The following ZNF804B variants were observed in gnomAD, a reference collection of about 807,000 sequenced individuals.
ZNF804B encodes the protein zinc finger protein 804B, also known as zinc finger 804B.
Under a neutral mutation model 101.4 loss-of-function variants are expected in ZNF804B, and 80 were observed. The ratio of observed to expected loss-of-function variants is 0.79; its 90% CI spans 0.66 to 0.95. ZNF804B has a LOEUF of 0.95. Ranked by LOEUF, ZNF804B falls within the 40% of genes least tolerant of loss-of-function variation. The pLI is 0.00. For synonymous variants in ZNF804B, 622 were observed against 558.8 expected, an observed-to-expected ratio of 1.11 and a Z score of -1.59; for missense variants, 1,673 against 1,561.9, an observed-to-expected ratio of 1.07 and a Z score of -1.20.
intron 1 of ZNF804B, among the ~76,000 whole-genome samples, chr7:89,098,326 C>T (rs937591695): frequency 6.7e-6 from 1 of 150,230 alleles, no homozygotes; most frequent in African/African-American, 2.5e-5. Context: ...GGCTGGAGTG[C>T]AGTGGTATGA....
intron 1 of ZNF804B, among the ~76,000 whole-genome samples, chr7:88,977,927 GT>G (rs1431829968): frequency 6.6e-6 from 1 of 150,802 alleles, no homozygotes; most frequent in African/African-American, 2.4e-5. Context: ...TGTGTGTTGT[GT>G]TTTGATTTTC....
chr7:88,877,882 C>G (rs886477673), intron 1 of ZNF804B, among the ~76,000 whole-genome samples: 1 of 152,018 alleles, frequency 6.6e-6, no homozygotes, highest in African/African-American at 2.4e-5. Flanking sequence ...ATATGTTACT[C>G]GTTTCAATAC....
intron 1 of ZNF804B, among the ~76,000 whole-genome samples, chr7:88,955,928 T>C (rs1793299008): frequency 6.6e-6 from 1 of 151,412 alleles, no homozygotes; most frequent in African/African-American, 2.4e-5. Context: ...AGGCAAAGGA[T>C]CTGAATAGAC....
At chr7:89,281,407 T>C (rs1035465434) in intron 2 of ZNF804B, among the ~76,000 whole-genome samples, 10 of 152,166 alleles carry the variant, frequency 6.6e-5, no homozygotes, top group Non-Finnish European at 1.5e-4. Context: ...GTAGAACCCA[T>C]AAGAAATTAT....
At chr7:88,907,617 G>A (rs1792493308) in intron 1 of ZNF804B, among the ~76,000 whole-genome samples, 1 of 151,868 alleles carries the variant, frequency 6.6e-6, no homozygotes, top group African/African-American at 2.4e-5. Context: ...CTGAAGCACG[G>A]ACTAACTAAG....
chr7:88,884,850 A>T (rs545339577), intron 1 of ZNF804B, among the ~76,000 whole-genome samples: 11 of 152,034 alleles, frequency 7.2e-5, no homozygotes, highest in African/African-American at 2.6e-4. Context: ...AACCAGAATT[A>T]TGTTGTCTTT....
intron 1 of ZNF804B, among the ~76,000 whole-genome samples, chr7:89,067,352 G>A (rs1789469592): frequency 6.6e-6 from 1 of 152,198 alleles, no homozygotes. Context: ...ATTGAGTTAG[G>A]CCCATCCAGG....
chr7:89,228,542 C>G (rs528880978), intron 2 of ZNF804B, among the ~76,000 whole-genome samples: 12 of 152,242 alleles, frequency 7.9e-5, no homozygotes, highest in African/African-American at 2.6e-4. Flanking sequence ...TACAGAGTGT[C>G]GATTGGTGCA....
chr7:89,337,736 T>G lies in ZNF804B; in HGVS notation c.*704T>G, dbSNP rs553349697. Among the ~76,000 whole-genome samples the G allele has an allele frequency of 5.9e-5, 9 of 152,270 alleles. No homozygotes were observed. Among genetic ancestry groups the G allele is most frequent in the African/African-American group, 2.2e-4 (9 of 41,584 alleles). On this transcript the variant is annotated 3_prime_UTR_variant, in exon 4 of 4. Transcript: ENST00000333190. ...ATCTAAAACTAAGAATGTTTAACTT[T>G]TGTATAAAAACATATACAAACTATC... is the stretch of plus-strand genomic sequence containing the variant.
rs537532490 is a variant in ZNF804B at position 89,194,223 on chromosome 7, G to A, written c.109-23932G>A. 5.2e-3 allele frequency among the ~76,000 whole-genome samples: 790 copies of A among 152,108 alleles called. 6 individuals are homozygous for A. Among genetic ancestry groups the A allele is most frequent in the African/African-American group, 0.018 (758 of 41,488 alleles). ...AGATTCTGGATATTAGCCCTTTGTC[G>A]GATAAGTAGGTTGCGAAAATTTTCT... is the stretch of plus-strand genomic sequence containing the variant. On this transcript the variant is annotated intron_variant, in intron 1 of 3. Transcript: ENST00000333190.
At chr7:89,074,891 G>T (rs999916726) in intron 1 of ZNF804B, among the ~76,000 whole-genome samples, 1 of 152,204 alleles carries the variant, frequency 6.6e-6, no homozygotes, top group Non-Finnish European at 1.5e-5. Flanking sequence ...TGAGGAACTT[G>T]TTGGGAACTG....
At position 88,769,080 on chromosome 7, in the gene ZNF804B, A is replaced by G. The variant is rs189265607; in HGVS notation, c.108+8996A>G. On this transcript the variant is annotated intron_variant, in intron 1 of 3. Coordinates refer to ENST00000333190, the MANE Select transcript of ZNF804B (RefSeq NM_181646.5). ...TGTGTTGATATGTGTGCATGCGTAT[A>G]TACACCTGATGTTGTAGTGGGGGAA... 1.3e-3 allele frequency among the ~76,000 whole-genome samples: 191 copies of G among 152,320 alleles called. 2 individuals are homozygous for G. The highest frequency in any genetic ancestry group is 4.5e-3 in the African/African-American group (186 of 41,570).
intron 2 of ZNF804B, among the ~76,000 whole-genome samples, chr7:89,262,285 C>G (rs951690970): frequency 1.3e-5 from 2 of 152,166 alleles, no homozygotes; most frequent in Non-Finnish European, 2.9e-5. Context: ...ATGGGAGTTT[C>G]TCTACTATCA....
chr7:89,139,449 T>C (rs564200743), intron 1 of ZNF804B, among the ~76,000 whole-genome samples: 1 of 152,218 alleles, frequency 6.6e-6, no homozygotes, highest in African/African-American at 2.4e-5. Context: ...CCTGCAATGC[T>C]GTTTGATAGC....
At chr7:88,966,590 A>G (rs183273421) in intron 1 of ZNF804B, among the ~76,000 whole-genome samples, 39 of 151,600 alleles carry the variant, frequency 2.6e-4, no homozygotes, top group African/African-American at 8.7e-4. Flanking sequence ...TATTGTTGTA[A>G]CCTATTTGTA....
intron 1 of ZNF804B, among the ~76,000 whole-genome samples, chr7:89,019,381 T>C (rs1788626106): frequency 6.6e-6 from 1 of 152,094 alleles, no homozygotes; most frequent in African/African-American, 2.4e-5. Flanking sequence ...CTTTTTGAGA[T>C]GTGTTTTGTA....
At chr7:89,140,169 GA>G (rs1270033318) in intron 1 of ZNF804B, among the ~76,000 whole-genome samples, 3 of 151,622 alleles carry the variant, frequency 2.0e-5, no homozygotes. Context: ...TTTCTGAGTA[GA>G]AAAAAAATCC....
At chr7:88,877,025 T>TATTTTTTTTTTTTTTGAAAAAAAA (rs1791955757) in intron 1 of ZNF804B, among the ~76,000 whole-genome samples, 1 of 59,268 alleles carries the variant, frequency 1.7e-5, no homozygotes, top group Non-Finnish European at 2.7e-5. Context: ...TATATATATA[T>TATTTTTTTTTTTTTTGAAAAAAAA]AATATATATA....
At chr7:89,151,623 A>G (rs1201896816) in intron 1 of ZNF804B, among the ~76,000 whole-genome samples, 2 of 152,126 alleles carry the variant, frequency 1.3e-5, no homozygotes, top group African/African-American at 4.8e-5. Context: ...GTGAAATGTA[A>G]AACTGCTACA....
Sources: gnomAD v4.1 joint callset for allele counts (sites outside exome capture counted in the v4.1 genomes callset) on GRCh38, gnomAD v4.1.1 for gene constraint, MANE v1.5 for transcripts, NCBI Gene and HGNC (gene_info 2026-07-23, HGNC 2026-07-21) for gene names.